The following PSEN2 variants were observed in gnomAD, a reference collection of about 807,000 sequenced individuals.
The protein encoded by PSEN2 is presenilin-2.
In PSEN2, 32 loss-of-function variants were observed where a neutral mutation model predicts 49.1. The ratio of observed to expected loss-of-function variants is 0.65; its 90% CI spans 0.49 to 0.88. The LOEUF (loss-of-function observed/expected upper bound fraction) is 0.88, where lower values mean the gene tolerates loss of function less well. Among genes scored for constraint, PSEN2 ranks in the 40% least tolerant of loss-of-function variants. PSEN2 has a pLI of 0.00. For synonymous variants in PSEN2, 255 were observed against 244.0 expected (o/e 1.05, Z -0.42); for missense variants, 522 against 586.9 (o/e 0.89, Z 1.14).
chr1:226,899,891 A>C (rs1313922160), downstream of PSEN2, among the ~76,000 whole-genome samples: 1 of 152,204 alleles, frequency 6.6e-6, no homozygotes, highest in African/African-American at 2.4e-5. Flanking sequence ...AACATGTCTC[A>C]AAGTTGCACA....
At chr1:226,891,497 C>A in intron 10 of PSEN2, 136 bp downstream of exon 10, 1 of 817,960 alleles carries the variant, frequency 1.2e-6, no homozygotes, top group South Asian at 1.7e-5. Flanking sequence ...TGAAAACCAG[C>A]CGGACACATG....
At chr1:226,887,715 C>T (rs1404969690) in intron 6 of PSEN2, among the ~76,000 whole-genome samples, 1 of 152,220 alleles carries the variant, frequency 6.6e-6, no homozygotes, top group Admixed American at 6.5e-5. Flanking sequence ...TCTAACACCC[C>T]TCACACTGGA....
rs555914170 is a variant in PSEN2 at position 226,895,480 on chromosome 1, C to T, written c.1248C>T (p.Leu416=). The change falls in exon 13 of 13, where the codon CTC becomes CTT. Residue 416 remains leucine, a synonymous_variant. Coordinates refer to ENST00000366783, the MANE Select transcript of PSEN2 (RefSeq NM_000447.3). ...TGTTCAAGAAGGCGCTGCCCGCCCT[C>T]CCCATCTCCATCACGTTCGGGCTCA... ...LAVFKKALPA[L]PISITFGLIF... is the part of the protein sequence containing the mutation. 5 of 1,614,046 alleles carry T rather than the reference C, an allele frequency of 3.1e-6. No homozygotes were observed. The highest frequency in any genetic ancestry group is 1.3e-5 in the African/African-American group (1 of 75,002).
At chr1:226,874,805 T>C (rs977028824) in intron 2 of PSEN2, among the ~76,000 whole-genome samples, 2 of 152,242 alleles carry the variant, frequency 1.3e-5, no homozygotes, top group African/African-American at 2.4e-5. Flanking sequence ...GTCTGAGGCC[T>C]CTTGGCCAGG....
In PSEN2 at chr1:226,871,338, C is replaced by G. The variant is rs766313511; in HGVS notation, c.-273C>G. On this transcript the variant is annotated 5_prime_UTR_variant, in exon 2 of 13. Transcript: ENST00000366783. ...AACCTGAGACAGAAGCTAGTCCCCC[C>G]TCTGAATTTTACTGATGAAGAAACT... 6.6e-6 allele frequency: 1 copy of G among 152,254 alleles called. No individual in the cohort carries two copies. Among genetic ancestry groups the G allele is most frequent in the Non-Finnish European group, 1.5e-5 (1 of 68,068 alleles). The allele number at this position is 152,254 out of a possible 1,614,324, so 9.4% of individuals were successfully genotyped here. A position where few individuals can be genotyped will look rare whatever the true frequency, so the allele number is the denominator to read the frequency against.
chr1:226,890,391 G>A (rs936578329), intron 9 of PSEN2, among the ~76,000 whole-genome samples: 2 of 152,338 alleles, frequency 1.3e-5, no homozygotes, highest in African/African-American at 2.4e-5. Context: ...GGCATGCTGC[G>A]GTGCAGGTTG....
At chr1:226,885,407 T>TC (rs1661289725) in intron 5 of PSEN2, 131 bp from the exon 6 acceptor site, 2 of 1,004,940 alleles carry the variant, frequency 2.0e-6, no homozygotes, top group Non-Finnish European at 2.9e-6. Context: ...GTGCCCGCAC[T>TC]CCATCAGGGC....
chr1:226,902,373 C>A (rs116298227), intron 12 of PSEN2, among the ~76,000 whole-genome samples: 1,632 of 152,094 alleles, frequency 0.011, 28 homozygotes, highest in African/African-American at 0.037. Flanking sequence ...GGGTTGGGGA[C>A]CCCTGATTTA....
chr1:226,897,295 G>A (rs1019478307), downstream of PSEN2, among the ~76,000 whole-genome samples: 2 of 152,214 alleles, frequency 1.3e-5, no homozygotes, highest in African/African-American at 2.4e-5. Context: ...AGATGGGATT[G>A]GACATATATT....
chr1:226,892,316 G>T (rs1661812845), intron 11 of PSEN2, among the ~76,000 whole-genome samples: 1 of 152,160 alleles, frequency 6.6e-6, no homozygotes, highest in Admixed American at 6.5e-5. Context: ...AGCACAGGGT[G>T]GGGAGCATTT....
rs555809980 is a variant in PSEN2, at chr1:226,888,901, A to G, written c.639A>G (p.Ala213=). The G allele has an allele frequency of 3.7e-5, 60 of 1,614,230 alleles. No individual in the cohort carries two copies. In the East Asian group the frequency reaches 6.7e-4, roughly 18 times the overall value. ...TGCTGACTGTCTGGAACTTCGGGGCAGTGGGCATGGTGTGCATCCACTGGA... is the reference window on the plus strand; with the variant it reads ...TGCTGACTGTCTGGAACTTCGGGGCGGTGGGCATGGTGTGCATCCACTGGA... ...TLLLTVWNFG[A]VGMVCIHWKG... The change falls in exon 8 of 13, where the codon GCA becomes GCG. Residue 213 remains alanine, a synonymous_variant. Transcript: ENST00000366783.
rs984148642 is a variant in PSEN2 at position 226,891,430 on chromosome 1, C to T, written c.970+69C>T. On this transcript the variant is annotated intron_variant, in intron 10 of 12. Transcript: ENST00000366783. ...AGCTCCCTACCTGCACCCAGCTCTG[C>T]TCGGCCTGGCTTCCCTGAGAGGCAT... 6 of 1,384,268 alleles carry T rather than the reference C, an allele frequency of 4.3e-6. No homozygotes were observed. The Admixed American group carries it at 8.0e-5, about 18-fold the overall frequency. 85.7% of individuals were successfully genotyped at this position (1,384,268 alleles called of 1,614,324 possible). A position where few individuals can be genotyped will look rare whatever the true frequency, so the allele number is the denominator to read the frequency against.
chr1:226,878,072 T>G (rs769047414), intron 3 of PSEN2, among the ~76,000 whole-genome samples: 12 of 151,976 alleles, frequency 7.9e-5, no homozygotes, highest in Non-Finnish European at 1.8e-4. Context: ...CTTTTTTTTC[T>G]TTTTCTTTTT....
At chr1:226,878,445 C>A (rs1019955973) in intron 3 of PSEN2, among the ~76,000 whole-genome samples, 2 of 152,188 alleles carry the variant, frequency 1.3e-5, no homozygotes, top group East Asian at 3.9e-4. Context: ...GGGTCCCCTG[C>A]TTCTCCATCT....
At chr1:226,875,065 G>C (rs1427211347) in intron 2 of PSEN2, among the ~76,000 whole-genome samples, 2 of 152,160 alleles carry the variant, frequency 1.3e-5, no homozygotes, top group Non-Finnish European at 1.5e-5. Flanking sequence ...GCTGTTAGAG[G>C]TAAGTCTAGA....
At chr1:226,881,839 C>T in intron 3 of PSEN2, 49 bp from the exon 4 acceptor site, 1 of 1,612,898 alleles carries the variant, frequency 6.2e-7, no homozygotes, top group Non-Finnish European at 8.5e-7. Flanking sequence ...CCTCCACTGC[C>T]TTTGTCTCAC....
intron 5 of PSEN2, 26 bp from the exon 6 acceptor site, chr1:226,885,512 C>T: frequency 6.2e-7 from 1 of 1,612,684 alleles, no homozygotes. Flanking sequence ...GGGCCGGGAG[C>T]ATCAGCCCTT....
chr1:226,891,514 G>A, intron 10 of PSEN2, 153 bp downstream of exon 10: 1 of 773,540 alleles, frequency 1.3e-6, no homozygotes, highest in Non-Finnish European at 2.1e-6. Flanking sequence ...CATGCGGCTT[G>A]AAGATTCAGC....
Position 226,893,998 on chromosome 1 carries a change from C to G in PSEN2, c.1073-9C>G. 1 of 1,608,164 alleles carries G rather than the reference C, an allele frequency of 6.2e-7. No individual in the cohort carries two copies. The highest frequency in any genetic ancestry group is 8.5e-7 in the Non-Finnish European group (1 of 1,174,486). Reference sequence around the variant, plus strand: ...TCTTCAGTACGGGTTACTGTCTCTCCTCACACAGGGGGCGTGAAGCTTGGC... The same window carrying G: ...TCTTCAGTACGGGTTACTGTCTCTCGTCACACAGGGGGCGTGAAGCTTGGC... On this transcript the variant is annotated splice_polypyrimidine_tract_variant and intron_variant, in intron 11 of 12. Transcript: ENST00000366783.
Sources: gnomAD v4.1 joint callset for allele counts (sites outside exome capture counted in the v4.1 genomes callset) on GRCh38, gnomAD v4.1.1 for gene constraint, MANE v1.5 for transcripts, NCBI Gene and HGNC (gene_info 2026-07-23, HGNC 2026-07-21) for gene names.